Variants in HDAC9 observed in about 807,000 individuals in gnomAD.
HDAC9 encodes histone deacetylase 9.
Under a neutral mutation model 139.4 loss-of-function variants are expected in HDAC9, and 41 were observed. That is an observed-to-expected ratio of 0.29 (90% CI 0.23 to 0.38). The LOEUF is 0.38. Ranked by LOEUF, HDAC9 falls within the 10% of genes least tolerant of loss-of-function variation. The pLI is 1.00. For missense variants in HDAC9, 1,147 were observed against 1,297.0 expected (o/e 0.88, Z 1.78); for synonymous variants, 517 against 476.2 (o/e 1.09, Z -1.12).
chr7:18,378,341 T>C (rs1785159337), intron 1 of HDAC9, among the ~76,000 whole-genome samples: 1 of 152,050 alleles, frequency 6.6e-6, no homozygotes, highest in Non-Finnish European at 1.5e-5. Context: ...TTTATATCCG[T>C]GTATGTATTA....
chr7:18,662,278 T>C (rs759356965), intron 11 of HDAC9, among the ~76,000 whole-genome samples: 9 of 152,106 alleles, frequency 5.9e-5, no homozygotes, highest in East Asian at 5.8e-4. Context: ...GCAGTCATTA[T>C]TGACCTTAAC....
intron 2 of HDAC9, among the ~76,000 whole-genome samples, chr7:18,547,166 T>C (rs1439090511): frequency 1.3e-5 from 2 of 152,226 alleles, no homozygotes; most frequent in Non-Finnish European, 2.9e-5. Flanking sequence ...TGGCTGAGGG[T>C]CTTGCCTCAA....
intron 1 of HDAC9, among the ~76,000 whole-genome samples, chr7:18,292,898 A>G (rs1194305046): frequency 6.6e-6 from 1 of 152,166 alleles, no homozygotes; most frequent in African/African-American, 2.4e-5. Flanking sequence ...TACGGGTACA[A>G]CTGCAAAAAT....
intron 1 of HDAC9, among the ~76,000 whole-genome samples, chr7:18,336,899 T>C (rs995523903): frequency 1.3e-5 from 2 of 151,654 alleles, no homozygotes; most frequent in African/African-American, 4.8e-5. Context: ...CCTAAGTTTG[T>C]AACTAAAACT....
At chr7:18,354,945 A>G (rs914436856) in intron 1 of HDAC9, among the ~76,000 whole-genome samples, 2 of 152,142 alleles carry the variant, frequency 1.3e-5, no homozygotes, top group African/African-American at 4.8e-5. Context: ...CACTGAAACC[A>G]CAGCTGGTCT....
chr7:18,261,506 A>G (rs1021084513), intron 2 of HDAC9, among the ~76,000 whole-genome samples: 1 of 152,172 alleles, frequency 6.6e-6, no homozygotes, highest in African/African-American at 2.4e-5. Context: ...GGATAGTCAC[A>G]CAAGTCCAGA....
At chr7:18,841,872 T>A (rs1562980618) in intron 21 of HDAC9, among the ~76,000 whole-genome samples, 1 of 152,112 alleles carries the variant, frequency 6.6e-6, no homozygotes, top group African/African-American at 2.4e-5. Flanking sequence ...GTTCTTTTTT[T>A]CCTTTTAATA....
chr7:18,388,906 A>C (rs1055860774), intron 1 of HDAC9, among the ~76,000 whole-genome samples: 1 of 151,964 alleles, frequency 6.6e-6, no homozygotes, highest in African/African-American at 2.4e-5. Flanking sequence ...ATTTCTTGAC[A>C]CTCTCATTCC....
Position 18,996,216 on chromosome 7 carries a change from TGTTCTTTG to T in HDAC9, c.*156_*163del, listed in dbSNP as rs1005492870. 3.6e-6 allele frequency: 2 copies of T among 554,596 alleles called. No individual in the cohort carries two copies. The highest frequency in any genetic ancestry group is 3.2e-6 in the Non-Finnish European group (1 of 307,706). 34.4% of individuals were successfully genotyped at this position (554,596 alleles called of 1,614,324 possible). ...CAAAATTCTGAACAGCAGCTTCACTTGTTCTTTGGATGGACTTGAAAGGGCATTAAAGA... is the reference window on the plus strand; with the variant it reads ...CAAAATTCTGAACAGCAGCTTCACTTGATGGACTTGAAAGGGCATTAAAGA... On this transcript the variant is annotated 3_prime_UTR_variant, in exon 26 of 26. Coordinates refer to ENST00000686413, the MANE Select transcript of HDAC9 (RefSeq NM_178425.4).
At chr7:18,881,467 C>G (rs1251867313) in intron 22 of HDAC9, among the ~76,000 whole-genome samples, 1 of 151,960 alleles carries the variant, frequency 6.6e-6, no homozygotes, top group Non-Finnish European at 1.5e-5. Context: ...TTCTTGTGTC[C>G]ACAGAGTTGA....
chr7:18,181,092 A>G (rs1202888616), intron 2 of HDAC9, among the ~76,000 whole-genome samples: 1 of 152,174 alleles, frequency 6.6e-6, no homozygotes, highest in Admixed American at 6.5e-5. Flanking sequence ...ACCTTTAAGC[A>G]TGTCTGGGAA....
At chr7:18,244,037 C>G (rs1363674999) in intron 2 of HDAC9, among the ~76,000 whole-genome samples, 1 of 152,196 alleles carries the variant, frequency 6.6e-6, no homozygotes, top group African/African-American at 2.4e-5. Flanking sequence ...GGGGAATAGA[C>G]TGTTGCTGAA....
chr7:18,210,086 A>C (rs1287795260), intron 2 of HDAC9, among the ~76,000 whole-genome samples: 1 of 152,162 alleles, frequency 6.6e-6, no homozygotes, highest in African/African-American at 2.4e-5. Context: ...ACATTCTGTA[A>C]ACCTTTTGTC....
chr7:18,160,576 T>G (rs1787559827), intron 1 of HDAC9, among the ~76,000 whole-genome samples: 1 of 152,138 alleles, frequency 6.6e-6, no homozygotes, highest in Non-Finnish European at 1.5e-5. Context: ...CTAAAAGCAC[T>G]TTGTAACTAT....
intron 1 of HDAC9, among the ~76,000 whole-genome samples, chr7:18,405,118 G>C (rs1435882831): frequency 6.6e-6 from 1 of 152,200 alleles, no homozygotes; most frequent in Non-Finnish European, 1.5e-5. Context: ...ACTCCATATA[G>C]ATAGTGGCCC....
At chr7:18,733,946 TA>T (rs1321726426) in intron 13 of HDAC9, among the ~76,000 whole-genome samples, 2 of 152,300 alleles carry the variant, frequency 1.3e-5, no homozygotes, top group South Asian at 4.1e-4. Context: ...CTTGTTAATT[TA>T]AAAAAATCAT....
intron 1 of HDAC9, among the ~76,000 whole-genome samples, chr7:18,478,873 T>G (rs564707895): frequency 6.6e-6 from 1 of 152,330 alleles, no homozygotes; most frequent in Admixed American, 6.5e-5. Context: ...TTCAATTTTC[T>G]GATTACTAAT....
Position 18,233,031 on chromosome 7 carries a change from A to G in HDAC9, c.25+70682A>G, listed in dbSNP as rs537139511. 2.5e-3 allele frequency among the ~76,000 whole-genome samples: 375 copies of G among 152,148 alleles called. 1 individual carries two copies. Among genetic ancestry groups the G allele is most frequent in the Non-Finnish European group, 4.1e-3 (281 of 67,966 alleles). ...ATAAGCAATTTTGTCTATAAGTATAAACTTCTGAAAAATTGTTGCCCCCAA... is the reference window on the plus strand; with the variant it reads ...ATAAGCAATTTTGTCTATAAGTATAGACTTCTGAAAAATTGTTGCCCCCAA... On this transcript the variant is annotated intron_variant, in intron 2 of 12. Transcript: ENST00000417496.
At position 18,351,925 on chromosome 7, in the gene HDAC9, G is replaced by A. The variant is rs537198503; in HGVS notation, c.-42+61410G>A. Among the ~76,000 whole-genome samples the A allele has an allele frequency of 2.6e-5, 4 of 152,318 alleles. 1 individual carries two copies. The South Asian group carries it at 8.3e-4, about 32-fold the overall frequency. On this transcript the variant is annotated intron_variant, in intron 1 of 3. Transcript: ENST00000413509. ...TGAATTGACGGTGAATATGTGGAAA[G>A]TGACAATATACAAGGTTATCCACTA...
Sources: allele counts gnomAD v4.1 joint callset (sites outside exome capture counted in the v4.1 genomes callset), GRCh38; gene constraint gnomAD v4.1.1; transcripts MANE v1.5; gene names NCBI Gene and HGNC (gene_info 2026-07-23, HGNC 2026-07-21).